GALNT1: variants seen among roughly 807,000 people sequenced by gnomAD.
GALNT1 encodes polypeptide N-acetylgalactosaminyltransferase 1, also known as GalNAc transferase 1.
A neutral mutation model predicts 65.7 loss-of-function variants in GALNT1; 17 were observed. The observed-to-expected ratio is 0.26, with a 90% CI of 0.18 to 0.39. The LOEUF is 0.39. GALNT1 is among the 10% of genes least tolerant of loss of function. The probability of loss-of-function intolerance (pLI) is 1.00; values close to 1 mark genes in which losing one functional copy is unlikely to be tolerated. For synonymous variants in GALNT1, 210 were observed against 219.7 expected, an observed-to-expected ratio of 0.96 and a Z score of 0.39; for missense variants, 460 against 672.8, an observed-to-expected ratio of 0.68 and a Z score of 3.50.
chr18:35,679,422 G>A (rs1830366746), intron 4 of GALNT1, among the ~76,000 whole-genome samples: 1 of 152,120 alleles, frequency 6.6e-6, no homozygotes, highest in African/African-American at 2.4e-5. Flanking sequence ...TAATTTAAAA[G>A]GTGCAGGGTC....
At chr18:35,595,889 A>G (rs1024578362) in intron 1 of GALNT1, 12 of 152,210 alleles carry the variant, frequency 7.9e-5, no homozygotes, top group Non-Finnish European at 1.6e-4. Flanking sequence ...TTAGAATATT[A>G]TGAAGAGATA....
At chr18:35,680,494 A>G (rs1157416731) in intron 4 of GALNT1, among the ~76,000 whole-genome samples, 1 of 152,210 alleles carries the variant, frequency 6.6e-6, no homozygotes, top group African/African-American at 2.4e-5. Context: ...CAGTTCCCAC[A>G]GTGCCTGTTA....
chr18:35,595,898 T>G (rs1489596968), intron 1 of GALNT1: 2 of 152,304 alleles, frequency 1.3e-5, no homozygotes, highest in South Asian at 4.1e-4. Flanking sequence ...TATGAAGAGA[T>G]ATGATAACTA....
intron 4 of GALNT1, among the ~76,000 whole-genome samples, chr18:35,682,281 G>T (rs1216359386): frequency 1.3e-5 from 2 of 151,336 alleles, no homozygotes; most frequent in Non-Finnish European, 2.9e-5. Context: ...TTTCATTATT[G>T]AGTCATTTTG....
At chr18:35,618,945 A>C (rs2046818034) in intron 1 of GALNT1, among the ~76,000 whole-genome samples, 1 of 152,226 alleles carries the variant, frequency 6.6e-6, no homozygotes, top group South Asian at 2.1e-4. Flanking sequence ...AGCAGGCAAG[A>C]ATGCAAAACA....
At chr18:35,613,526 G>A (rs762378908) in intron 1 of GALNT1, among the ~76,000 whole-genome samples, 4 of 152,200 alleles carry the variant, frequency 2.6e-5, no homozygotes, top group East Asian at 1.9e-4. Context: ...ACTGGCTCCC[G>A]TGCTGAGGGT....
rs754003657 is a variant in GALNT1, at chr18:35,581,751, A to AGG, written c.-214_-213insGG. On this transcript the variant is annotated 5_prime_UTR_variant, in exon 1 of 12. Transcript: ENST00000269195. ...GGGGAGCCGCCGGCAGTGGCCGAGG[A>AGG]GCGCGCGGCGGACGGCGGCCCGAGA... is the stretch of plus-strand genomic sequence containing the variant. The AGG allele has an allele frequency of 7.0e-6, 1 of 142,502 alleles. No individual in the cohort carries two copies. Among genetic ancestry groups the AGG allele is most frequent in the Non-Finnish European group, 1.5e-5 (1 of 64,690 alleles). 8.8% of individuals were successfully genotyped at this position (142,502 alleles called of 1,614,324 possible).
chr18:35,701,179 C>T lies in GALNT1; in HGVS notation c.1300-1718C>T, dbSNP rs191595203. On this transcript the variant is annotated intron_variant, in intron 9 of 11. Transcript: ENST00000269195. ...CTTGAACTCTTGGGCTCAAGTGATC[C>T]TCCCACCTCAGCCTCCCGAATAACT... 1.1e-3 allele frequency among the ~76,000 whole-genome samples: 172 copies of T among 152,182 alleles called. 2 individuals are homozygous for T. Among genetic ancestry groups the T allele is most frequent in the Admixed American group, 9.1e-3 (139 of 15,288 alleles).
At chr18:35,705,648 G>T (rs1261191684) in intron 11 of GALNT1, among the ~76,000 whole-genome samples, 1 of 151,392 alleles carries the variant, frequency 6.6e-6, no homozygotes, top group Non-Finnish European at 1.5e-5. Context: ...CATAGCCATT[G>T]TGACAACCAC....
chr18:35,701,585 A>G (rs2048164920), intron 9 of GALNT1, among the ~76,000 whole-genome samples: 1 of 152,220 alleles, frequency 6.6e-6, no homozygotes, highest in Non-Finnish European at 1.5e-5. Context: ...ACTCTTGGAA[A>G]CATATAATGT....
chr18:35,703,181 C>CAT (rs1384457422), intron 10 of GALNT1, among the ~76,000 whole-genome samples, 186 bp downstream of exon 10: 2 of 151,476 alleles, frequency 1.3e-5, no homozygotes. Flanking sequence ...TTGTGAAAGG[C>CAT]CCATTGTGAG....
intron 1 of GALNT1, among the ~76,000 whole-genome samples, chr18:35,584,509 A>C: frequency 6.6e-6 from 1 of 152,208 alleles, no homozygotes; most frequent in East Asian, 1.9e-4. Flanking sequence ...ATGGAGGAAG[A>C]GGAGTGCGGC....
intron 1 of GALNT1, among the ~76,000 whole-genome samples, chr18:35,648,063 T>TGAGGAAGG (rs2047255826): frequency 8.9e-6 from 1 of 112,024 alleles, no homozygotes; most frequent in East Asian, 2.5e-4. Flanking sequence ...AGGGAGGAAG[T>TGAGGAAGG]GAGGAAGGGA....
chr18:35,604,061 G>C (rs1023205293), intron 1 of GALNT1, among the ~76,000 whole-genome samples: 1 of 151,862 alleles, frequency 6.6e-6, no homozygotes, highest in African/African-American at 2.4e-5. Flanking sequence ...ATAGTTTTTC[G>C]ATCCTCACCC....
chr18:35,687,112 G>A lies in GALNT1; in HGVS notation c.786G>A (p.Lys262=). The A allele has an allele frequency of 6.2e-7, 1 of 1,613,916 alleles. No individual in the cohort carries two copies. The highest frequency in any genetic ancestry group is 1.3e-5 in the African/African-American group (1 of 75,020). Residue 262 remains lysine (K), a synonymous_variant, in exon 6 of 12, where the codon AAG becomes AAA. Transcript: ENST00000269195. ...TGACCTATGGTGGGTTCAACTGGAA[G>A]CTCAATTTTCGCTGGTATCCTGTTC... ...SDMTYGGFNW[K]LNFRWYPVPQ...
chr18:35,629,991 C>T (rs2046983067), intron 1 of GALNT1, among the ~76,000 whole-genome samples: 2 of 152,196 alleles, frequency 1.3e-5, no homozygotes, highest in South Asian at 4.1e-4. Context: ...GGGATCAATT[C>T]AACAAGAAGA....
At chr18:35,661,360 A>G (rs1326496993) in intron 2 of GALNT1, among the ~76,000 whole-genome samples, 4 of 152,028 alleles carry the variant, frequency 2.6e-5, no homozygotes, top group South Asian at 2.1e-4. Context: ...TTAGCCAGAT[A>G]TGGTGGCGCG....
At chr18:35,648,847 A>C (rs1187887165) in intron 1 of GALNT1, among the ~76,000 whole-genome samples, 1 of 152,174 alleles carries the variant, frequency 6.6e-6, no homozygotes, top group Non-Finnish European at 1.5e-5. Flanking sequence ...AAAGTTATGG[A>C]ATGTTTTCAT....
At chr18:35,613,940 A>G (rs1314842180) in intron 1 of GALNT1, among the ~76,000 whole-genome samples, 2 of 152,180 alleles carry the variant, frequency 1.3e-5, no homozygotes, top group South Asian at 2.1e-4. Flanking sequence ...CTGAGAATCA[A>G]ATGAAATCCT....
Sources: gnomAD v4.1 joint callset for allele counts (sites outside exome capture counted in the v4.1 genomes callset) on GRCh38, gnomAD v4.1.1 for gene constraint, MANE v1.5 for transcripts, NCBI Gene and HGNC (gene_info 2026-07-23, HGNC 2026-07-21) for gene names.